The following TENM1 variants were observed in gnomAD, a reference collection of about 807,000 sequenced individuals.
The protein encoded by TENM1 is teneurin-1.
In TENM1, 35 loss-of-function variants were observed where a neutral mutation model predicts 174.8. The ratio of observed to expected loss-of-function variants is 0.20; its 90% CI spans 0.15 to 0.27. The LOEUF (loss-of-function observed/expected upper bound fraction) is 0.27. Among genes scored for constraint, TENM1 ranks in the 10% least tolerant of loss-of-function variants. The pLI, the probability that TENM1 is intolerant of heterozygous loss-of-function variation, is 1.00. For synonymous variants in TENM1, 781 were observed against 798.7 expected, an observed-to-expected ratio of 0.98 and a Z score of 0.37; for missense variants, 1,633 against 2,130.1, an observed-to-expected ratio of 0.77 and a Z score of 4.59.
At chrX:125,109,753 C>A in the TENM1 span, among the ~76,000 whole-genome samples, 1 of 111,769 alleles carries the variant, frequency 8.9e-6, no homozygotes, top group Non-Finnish European at 1.9e-5. Flanking sequence ...CCTTAAACAA[C>A]AAGCCCTGAG....
chrX:124,634,381 C>A (rs749431856), intron 11 of TENM1, among the ~76,000 whole-genome samples: 12 of 111,322 alleles, frequency 1.1e-4, no homozygotes, highest in African/African-American at 3.3e-4. Context: ...GTGTCCAAAG[C>A]TGCAGAGAAG....
chrX:125,075,856 T>C, the TENM1 span, among the ~76,000 whole-genome samples: 7 of 103,671 alleles, frequency 6.8e-5, no homozygotes, highest in Non-Finnish European at 1.2e-4. Context: ...TCTGAGATCA[T>C]TCTAGAATTC....
chrX:124,541,344 T>C, intron 15 of TENM1, among the ~76,000 whole-genome samples: 2 of 112,470 alleles, frequency 1.8e-5, no homozygotes, highest in Middle Eastern at 4.6e-3. Context: ...TTCTCGTGAA[T>C]GGTTTAGCAC....
chrX:124,454,187 C>T (rs2061076583), intron 22 of TENM1, among the ~76,000 whole-genome samples: 2 of 111,354 alleles, frequency 1.8e-5, no homozygotes, highest in Non-Finnish European at 3.8e-5. Context: ...ATACTGAATA[C>T]CCCACTTACA....
intron 3 of TENM1, among the ~76,000 whole-genome samples, chrX:124,859,600 A>T (rs921721375): frequency 9.0e-6 from 1 of 110,572 alleles, no homozygotes; most frequent in African/African-American, 3.3e-5. Flanking sequence ...TATCCTGATG[A>T]TAACTGTGGA....
intron 27 of TENM1, among the ~76,000 whole-genome samples, chrX:124,395,353 T>A (rs1332478437): frequency 9.0e-6 from 1 of 110,890 alleles, no homozygotes; most frequent in Non-Finnish European, 1.9e-5. Context: ...TTTTTAAACC[T>A]CTTTTGGTTT....
chrX:124,547,962 A>C (rs985431844), intron 14 of TENM1, among the ~76,000 whole-genome samples: 4 of 111,371 alleles, frequency 3.6e-5, no homozygotes, highest in Non-Finnish European at 7.5e-5. Context: ...TCAGCCTCCC[A>C]AGTAGCTGGG....
At chrX:124,905,012 A>G (rs1300451927) in intron 1 of TENM1, among the ~76,000 whole-genome samples, 1 of 111,682 alleles carries the variant, frequency 9.0e-6, no homozygotes, top group Non-Finnish European at 1.9e-5. Context: ...TACTAAAAAA[A>G]ATAAGTCAGG....
chrX:124,832,667 C>T (rs1045735807), intron 3 of TENM1, among the ~76,000 whole-genome samples: 6 of 112,087 alleles, frequency 5.4e-5, no homozygotes, highest in Admixed American at 1.9e-4. Context: ...CTCTACCTCC[C>T]GGGCTCAAGC....
chrX:124,965,870 G>T (rs1810993783), upstream of TENM1, among the ~76,000 whole-genome samples: 1 of 110,854 alleles, frequency 9.0e-6, no homozygotes, highest in Non-Finnish European at 1.9e-5. Context: ...TCTGTACTTG[G>T]GTATCTAAAA....
intron 11 of TENM1, among the ~76,000 whole-genome samples, chrX:124,581,754 T>C (rs764371330): frequency 2.7e-5 from 3 of 112,075 alleles, no homozygotes; most frequent in Non-Finnish European, 3.8e-5. Context: ...TGAGATGGTA[T>C]CTCACTGTGG....
At chrX:125,157,132 CTG>C in the TENM1 span, among the ~76,000 whole-genome samples, 2 of 112,226 alleles carry the variant, frequency 1.8e-5, no homozygotes, top group Non-Finnish European at 3.8e-5. Flanking sequence ...GCACCAGAAT[CTG>C]TGAGAGAAAG....
intron 15 of TENM1, among the ~76,000 whole-genome samples, chrX:124,546,432 T>C (rs777518003): frequency 1.8e-5 from 2 of 111,964 alleles, no homozygotes; most frequent in East Asian, 5.6e-4. Context: ...ATTTGAGCTT[T>C]CCCGGAAGAC....
At chrX:124,977,611 C>T in the TENM1 span, among the ~76,000 whole-genome samples, 1 of 110,114 alleles carries the variant, frequency 9.1e-6, no homozygotes, top group Non-Finnish European at 1.9e-5. Context: ...ATCTAGTAAG[C>T]AGTCATTCCC....
At chrX:125,019,708 C>T in the TENM1 span, among the ~76,000 whole-genome samples, 3 of 110,746 alleles carry the variant, frequency 2.7e-5, no homozygotes, top group Non-Finnish European at 5.7e-5. Flanking sequence ...GTTCTCTGGG[C>T]GGCCTTGAGC....
chrX:125,044,568 C>T, the TENM1 span, among the ~76,000 whole-genome samples: 6 of 110,165 alleles, frequency 5.4e-5, no homozygotes, highest in South Asian at 3.9e-4. Context: ...CCAGTCTGGG[C>T]GACAGATTGA....
chrX:124,980,374 G>A, the TENM1 span, among the ~76,000 whole-genome samples: 1 of 110,607 alleles, frequency 9.0e-6, no homozygotes, highest in Non-Finnish European at 1.9e-5. Flanking sequence ...ACATATAATG[G>A]GGTTAACTCA....
intron 1 of TENM1, among the ~76,000 whole-genome samples, chrX:124,923,188 A>G (rs1334286713): frequency 8.9e-6 from 1 of 111,791 alleles, no homozygotes; most frequent in Non-Finnish European, 1.9e-5. Context: ...ATACAGTTAC[A>G]TCTAATAAAT....
the TENM1 span, among the ~76,000 whole-genome samples, chrX:125,053,414 A>C: frequency 8.9e-6 from 1 of 112,579 alleles, no homozygotes; most frequent in South Asian, 3.7e-4. Flanking sequence ...CAAATGAGTT[A>C]ATATGCCTGA....
Sources: gnomAD v4.1 joint callset for allele counts (sites outside exome capture counted in the v4.1 genomes callset) on GRCh38, gnomAD v4.1.1 for gene constraint, MANE v1.5 for transcripts, NCBI Gene and HGNC (gene_info 2026-07-23, HGNC 2026-07-21) for gene names.